The following MYO1D variants were observed in gnomAD, a reference collection of about 807,000 sequenced individuals.
The protein encoded by MYO1D is myosin ID, also known as unconventional myosin-Id.
A neutral mutation model predicts 122.0 loss-of-function variants in MYO1D; 83 were observed. That is an observed-to-expected ratio of 0.68 (90% CI 0.57 to 0.82). MYO1D has a LOEUF of 0.82. Among genes scored for constraint, MYO1D ranks in the 40% least tolerant of loss-of-function variants. The pLI is 0.00. For synonymous variants in MYO1D, 464 were observed against 446.9 expected (o/e 1.04, Z -0.48); for missense variants, 1,157 against 1,269.5 (o/e 0.91, Z 1.35).
chr17:32,784,629 G>T (rs1231068308), intron 1 of MYO1D, among the ~76,000 whole-genome samples: 1 of 152,262 alleles, frequency 6.6e-6, no homozygotes, highest in African/African-American at 2.4e-5. Flanking sequence ...AAATATAAAG[G>T]TATAATAATG....
intron 21 of MYO1D, among the ~76,000 whole-genome samples, chr17:32,585,752 A>T (rs867695957): frequency 1.3e-5 from 2 of 151,864 alleles, no homozygotes; most frequent in Admixed American, 6.6e-5. Flanking sequence ...TAAAAAAAAA[A>T]AAAAAAAGGA....
At chr17:32,563,263 G>A (rs8070608) in intron 21 of MYO1D, among the ~76,000 whole-genome samples, 6,271 of 140,742 alleles carry the variant, frequency 0.045, 414 homozygotes, top group African/African-American at 0.15. Flanking sequence ...AGGCTGGAGC[G>A]TAGTGGCACA....
chr17:32,753,624 C>T lies in MYO1D; in HGVS notation c.1467+1868G>A, dbSNP rs3925173. ...TACTCTTACAAATGACATGGCTGGG[C>T]GTGGTGGCTCATGCCTGTAATCCCA... On this transcript the variant is annotated intron_variant, in intron 11 of 21. Coordinates refer to ENST00000318217, the MANE Select transcript of MYO1D (RefSeq NM_015194.3). Among the ~76,000 whole-genome samples, 113 of 152,266 alleles carry T rather than the reference C, an allele frequency of 7.4e-4. 2 individuals are homozygous for T. In the South Asian group the frequency reaches 0.012, roughly 16 times the overall value.
chr17:32,858,666 C>T (rs1183895617), intron 1 of MYO1D, among the ~76,000 whole-genome samples: 5 of 152,186 alleles, frequency 3.3e-5, no homozygotes, highest in African/African-American at 9.7e-5. Context: ...ATTTTGATCA[C>T]TTCATTAAGG....
chr17:32,504,347 C>T (rs1452645674), intron 21 of MYO1D, among the ~76,000 whole-genome samples: 2 of 152,232 alleles, frequency 1.3e-5, no homozygotes, highest in African/African-American at 2.4e-5. Context: ...CCCTTCCCTG[C>T]CCACGTTCTC....
intron 16 of MYO1D, among the ~76,000 whole-genome samples, chr17:32,711,090 G>C (rs774103283): frequency 2.6e-5 from 4 of 152,156 alleles, no homozygotes; most frequent in Non-Finnish European, 4.4e-5. Flanking sequence ...AGAGGTATAT[G>C]ATTTTTCATA....
At chr17:32,503,291 C>G (rs1909382116) in intron 21 of MYO1D, among the ~76,000 whole-genome samples, 1 of 152,210 alleles carries the variant, frequency 6.6e-6, no homozygotes, top group Non-Finnish European at 1.5e-5. Context: ...TCAAAGCCAA[C>G]CAGGAAAGCG....
rs1332897292 is a variant in MYO1D, at chr17:32,867,734, T to C, written c.95+9044A>G. Among the ~76,000 whole-genome samples the C allele has an allele frequency of 2.2e-5, 3 of 139,164 alleles. No homozygotes were observed. The East Asian group carries it at 6.3e-4, about 29-fold the overall frequency. The allele number at this position is 139,164 out of a possible 152,430, so 91.3% of individuals were successfully genotyped here. A position where few individuals can be genotyped will look rare whatever the true frequency, so the allele number is the denominator to read the frequency against. On this transcript the variant is annotated intron_variant, in intron 1 of 21. Coordinates refer to ENST00000318217, the MANE Select transcript of MYO1D (RefSeq NM_015194.3). ...ACTGCTTGAACCCAGGAGATGGAGG[T>C]TGCAGTGAGCCGAGAGATCATGCCA...
At chr17:32,605,898 T>C (rs1051175794) in intron 20 of MYO1D, among the ~76,000 whole-genome samples, 2 of 151,436 alleles carry the variant, frequency 1.3e-5, no homozygotes, top group Non-Finnish European at 2.9e-5. Context: ...CTTGGCAACA[T>C]GGTGAAACCC....
chr17:32,762,087 G>C (rs2090007428), intron 8 of MYO1D, among the ~76,000 whole-genome samples: 1 of 152,008 alleles, frequency 6.6e-6, no homozygotes. Flanking sequence ...CAGTGCTCAG[G>C]AAGGTTAGGG....
intron 21 of MYO1D, among the ~76,000 whole-genome samples, chr17:32,589,505 G>A (rs572880692): frequency 3.3e-5 from 5 of 152,178 alleles, no homozygotes; most frequent in Non-Finnish European, 7.3e-5. Flanking sequence ...AGGATGTGGT[G>A]CCTCTCGTCG....
intron 21 of MYO1D, among the ~76,000 whole-genome samples, chr17:32,561,468 T>C (rs968420372): frequency 3.3e-5 from 5 of 151,872 alleles, no homozygotes; most frequent in Non-Finnish European, 7.4e-5. Context: ...GGCAGGCGGA[T>C]CATGAGGTCA....
intron 4 of MYO1D, 53 bp downstream of exon 4, chr17:32,775,811 G>T (rs1479155071): frequency 3.6e-6 from 5 of 1,394,294 alleles, no homozygotes; most frequent in Non-Finnish European, 4.9e-6. Flanking sequence ...AATATAATTT[G>T]TTTAAACATT....
At chr17:32,763,727 C>G (rs903332742) in intron 8 of MYO1D, among the ~76,000 whole-genome samples, 3 of 152,140 alleles carry the variant, frequency 2.0e-5, no homozygotes, top group Non-Finnish European at 4.4e-5. Context: ...CGAGACCAGC[C>G]TGGTCAACAT....
intron 19 of MYO1D, among the ~76,000 whole-genome samples, chr17:32,648,525 A>G (rs2088333329): frequency 6.6e-6 from 1 of 152,230 alleles, no homozygotes; most frequent in Admixed American, 6.5e-5. Context: ...GCTGGTTGCC[A>G]GAAAGACCAA....
chr17:32,523,929 T>C (rs1232034076), intron 21 of MYO1D, among the ~76,000 whole-genome samples: 1 of 151,620 alleles, frequency 6.6e-6, no homozygotes, highest in Non-Finnish European at 1.5e-5. Context: ...AGCCATGAAA[T>C]GGGGATGACG....
At position 32,540,613 on chromosome 17, in the gene MYO1D, T is replaced by C. The variant is rs1910809335; in HGVS notation, c.2865-45698A>G. ...CACTGAGATACCTTTTCATATCGAT[T>C]AGGATGACTATAATCAAAAAGACAG... is the stretch of plus-strand genomic sequence containing the variant. On this transcript the variant is annotated intron_variant, in intron 21 of 21. Coordinates refer to ENST00000318217, the MANE Select transcript of MYO1D (RefSeq NM_015194.3). Among the ~76,000 whole-genome samples the C allele has an allele frequency of 2.6e-5, 4 of 151,870 alleles. No individual in the cohort carries two copies. In the South Asian group the frequency reaches 8.3e-4, roughly 32 times the overall value.
intron 7 of MYO1D, among the ~76,000 whole-genome samples, chr17:32,765,739 T>C (rs2090049316): frequency 6.6e-6 from 1 of 152,202 alleles, no homozygotes; most frequent in Non-Finnish European, 1.5e-5. Flanking sequence ...ATTACAGGCG[T>C]GAGCCACCGC....
chr17:32,707,497 T>A (rs999585675), intron 16 of MYO1D, among the ~76,000 whole-genome samples: 1 of 152,122 alleles, frequency 6.6e-6, no homozygotes, highest in African/African-American at 2.4e-5. Flanking sequence ...CGCATAGAAA[T>A]GAAGGCACCA....
Sources: allele counts gnomAD v4.1 joint callset (sites outside exome capture counted in the v4.1 genomes callset), GRCh38; gene constraint gnomAD v4.1.1; transcripts MANE v1.5; gene names NCBI Gene and HGNC (gene_info 2026-07-23, HGNC 2026-07-21).